PTPRG: variants seen among roughly 807,000 people sequenced by gnomAD.
PTPRG encodes receptor-type tyrosine-protein phosphatase gamma.
Under a neutral mutation model 165.3 loss-of-function variants are expected in PTPRG, and 102 were observed. The observed-to-expected ratio is 0.62, with a 90% CI of 0.53 to 0.73. PTPRG has a LOEUF of 0.73. PTPRG is among the 30% of genes least tolerant of loss of function. The probability of loss-of-function intolerance (pLI) is 0.00; values close to 1 mark genes in which losing one functional copy is unlikely to be tolerated. For missense variants in PTPRG, 1,866 were observed against 1,861.4 expected, an observed-to-expected ratio of 1.00 and a Z score of -0.05; for synonymous variants, 675 against 669.5, an observed-to-expected ratio of 1.01 and a Z score of -0.13.
intron 8 of PTPRG, among the ~76,000 whole-genome samples, chr3:62,178,377 T>A (rs999135229): frequency 6.6e-6 from 1 of 152,188 alleles, no homozygotes; most frequent in Non-Finnish European, 1.5e-5. Flanking sequence ...AATTGGGACA[T>A]GTATGATGTA....
intron 5 of PTPRG, among the ~76,000 whole-genome samples, chr3:62,127,274 G>T (rs1356367325): frequency 2.0e-5 from 3 of 152,150 alleles, no homozygotes; most frequent in Non-Finnish European, 1.5e-5. Flanking sequence ...TCTAGTTAGT[G>T]GTCACTAGGA....
At chr3:62,121,144 G>A (rs760384427) in intron 5 of PTPRG, among the ~76,000 whole-genome samples, 7 of 149,922 alleles carry the variant, frequency 4.7e-5, no homozygotes, top group African/African-American at 1.2e-4. Flanking sequence ...TAGTAAAGAC[G>A]GGGTTTCACC....
intron 2 of PTPRG, among the ~76,000 whole-genome samples, chr3:61,987,051 G>A (rs2040779979): frequency 1.3e-5 from 2 of 152,130 alleles, no homozygotes; most frequent in Admixed American, 1.3e-4. Flanking sequence ...TCTTAACACT[G>A]AAGAGATTTA....
chr3:62,004,940 C>T (rs530528844), intron 4 of PTPRG, among the ~76,000 whole-genome samples: 4 of 152,282 alleles, frequency 2.6e-5, no homozygotes, highest in Admixed American at 1.3e-4. Flanking sequence ...GATAGGGTTT[C>T]GTCATTCTCC....
rs573220484 is a variant in PTPRG at position 62,190,963 on chromosome 3, T to C, written c.1034-506T>C. Among the ~76,000 whole-genome samples, 33 of 152,326 alleles carry C rather than the reference T, an allele frequency of 2.2e-4. No homozygotes were observed. The highest frequency in any genetic ancestry group is 7.5e-4 in the African/African-American group (31 of 41,568). The stretch of plus-strand genomic sequence containing the variant: ...CTGGTATTATGGTTACATAGGAGAG[T>C]GTCCTCAATCTTGGGAGATGCAGGA... On this transcript the variant is annotated intron_variant, in intron 8 of 29. Transcript: ENST00000474889. The surrounding 1 kb of genome is among the most constrained non-coding windows in gnomAD (Gnocchi z 5.2).
intron 3 of PTPRG, among the ~76,000 whole-genome samples, chr3:61,991,594 C>T (rs1037410298): frequency 6.6e-6 from 1 of 152,124 alleles, no homozygotes; most frequent in Admixed American, 6.5e-5. Context: ...TATCAGTTGC[C>T]CTACTTTATG....
intron 5 of PTPRG, chr3:62,124,611 TGACCGCGAGGGAAGGTGA>T (rs57781362): frequency 0.62 from 663,150 of 1,070,374 alleles, 208,111 homozygotes; most frequent in Non-Finnish European, 0.64. Flanking sequence ...GCTTTCATGC[TGACCGCGAGGGAAGGTGA>T]GACCGGGAGG....
At chr3:62,241,220 T>C (rs1233259001) in intron 14 of PTPRG, among the ~76,000 whole-genome samples, 1 of 152,216 alleles carries the variant, frequency 6.6e-6, no homozygotes, top group Non-Finnish European at 1.5e-5. Flanking sequence ...GAAGTAGTTT[T>C]AAGGATTGCA....
At chr3:61,615,167 G>A (rs1031155368) in intron 1 of PTPRG, among the ~76,000 whole-genome samples, 1 of 152,192 alleles carries the variant, frequency 6.6e-6, no homozygotes, top group African/African-American at 2.4e-5. Context: ...TCAGTATTGT[G>A]AAATTAACTT....
Position 61,613,942 on chromosome 3 carries a change from A to C in PTPRG, c.85+51570A>C, listed in dbSNP as rs559776867. On this transcript the variant is annotated intron_variant, in intron 1 of 29. Coordinates refer to ENST00000474889, the MANE Select transcript of PTPRG (RefSeq NM_002841.4). ...TCACATCCTGTTGGTTTCACCTCCC[A>C]AATAAATCTTGAATCTCCCTGAGCA... 2.6e-5 allele frequency among the ~76,000 whole-genome samples: 4 copies of C among 152,300 alleles called. No individual in the cohort carries two copies. In the South Asian group the frequency reaches 8.3e-4, roughly 32 times the overall value.
chr3:61,608,697 G>T (rs972884222), intron 1 of PTPRG, among the ~76,000 whole-genome samples: 2 of 152,164 alleles, frequency 1.3e-5, no homozygotes, highest in Non-Finnish European at 2.9e-5. Context: ...ATGTTTTATT[G>T]TTTAAGGCAG....
At chr3:62,169,798 G>A (rs1705147832) in intron 8 of PTPRG, among the ~76,000 whole-genome samples, 1 of 152,148 alleles carries the variant, frequency 6.6e-6, no homozygotes, top group African/African-American at 2.4e-5. Flanking sequence ...TGTTAGTGTG[G>A]TACGTTACGT....
At chr3:61,876,159 T>C (rs766324798) in intron 2 of PTPRG, among the ~76,000 whole-genome samples, 2 of 152,318 alleles carry the variant, frequency 1.3e-5, no homozygotes, top group East Asian at 3.9e-4. Flanking sequence ...AATGCATAAC[T>C]GTACTCCAGT....
intron 2 of PTPRG, among the ~76,000 whole-genome samples, chr3:61,813,327 T>TAAAAAAAAA (rs757811011): frequency 9.1e-5 from 8 of 87,480 alleles, no homozygotes; most frequent in African/African-American, 1.8e-4. Context: ...CCATGATTAC[T>TAAAAAAAAA]AAAAAAAAAA....
At chr3:62,166,517 G>A (rs1704992091) in intron 7 of PTPRG, among the ~76,000 whole-genome samples, 1 of 151,212 alleles carries the variant, frequency 6.6e-6, no homozygotes, top group Non-Finnish European at 1.5e-5. Context: ...TGTATTTTTA[G>A]TAGAGACAGG....
At chr3:61,825,137 A>G (rs1351209574) in intron 2 of PTPRG, among the ~76,000 whole-genome samples, 3 of 152,208 alleles carry the variant, frequency 2.0e-5, no homozygotes, top group Non-Finnish European at 2.9e-5. Context: ...ACATCAGTAA[A>G]TGTACTCCTG....
chr3:62,139,948 C>G (rs76095162), intron 6 of PTPRG, among the ~76,000 whole-genome samples: 2,024 of 152,332 alleles, frequency 0.013, 28 homozygotes, highest in Middle Eastern at 0.02. Context: ...GTGGAGAAAG[C>G]TATCTGAGAA....
At chr3:61,687,352 C>G (rs35313107) in intron 1 of PTPRG, among the ~76,000 whole-genome samples, 57,015 of 152,032 alleles carry the variant, frequency 0.38, 13,161 homozygotes, top group East Asian at 0.61. Flanking sequence ...CTGCACTAGC[C>G]CTGTTCAGGG....
chr3:62,120,969 ACAGC>A (rs1415564941), intron 5 of PTPRG, among the ~76,000 whole-genome samples: 1 of 151,326 alleles, frequency 6.6e-6, no homozygotes, highest in African/African-American at 2.4e-5. Context: ...TTTTCACAAG[ACAGC>A]CAGCTCTGTC....
Sources: allele counts gnomAD v4.1 joint callset (sites outside exome capture counted in the v4.1 genomes callset), GRCh38; gene constraint gnomAD v4.1.1; non-coding constraint Gnocchi (gnomAD v3.1); transcripts MANE v1.5; gene names NCBI Gene and HGNC (gene_info 2026-07-23, HGNC 2026-07-21).